The following NISCH variants were observed in gnomAD, a reference collection of about 807,000 sequenced individuals.
NISCH encodes nischarin.
Under a neutral mutation model 138.4 loss-of-function variants are expected in NISCH, and 55 were observed. That is an observed-to-expected ratio of 0.40 (90% CI 0.32 to 0.50). The LOEUF (loss-of-function observed/expected upper bound fraction) is 0.50, where lower values mean the gene tolerates loss of function less well. Ranked by LOEUF, NISCH falls within the 20% of genes least tolerant of loss-of-function variation. The probability of loss-of-function intolerance (pLI) is 0.71; values close to 1 mark genes in which losing one functional copy is unlikely to be tolerated. For missense variants in NISCH, 1,643 were observed against 2,005.5 expected, an observed-to-expected ratio of 0.82 and a Z score of 3.45; for synonymous variants, 860 against 861.5, an observed-to-expected ratio of 1.00 and a Z score of 0.03.
chr3:52,463,881 G>A (rs1019015554), intron 3 of NISCH, among the ~76,000 whole-genome samples: 13 of 150,904 alleles, frequency 8.6e-5, no homozygotes, highest in Admixed American at 7.3e-4. Flanking sequence ...GCACCACCAC[G>A]CCTGGCTAAT....
intron 14 of NISCH, among the ~76,000 whole-genome samples, 162 bp downstream of exon 14, chr3:52,484,799 T>A (rs1004208877): frequency 6.6e-6 from 1 of 151,998 alleles, no homozygotes; most frequent in Non-Finnish European, 1.5e-5. Flanking sequence ...GACCTGTCTC[T>A]GGTTGAGTGT....
intron 11 of NISCH, among the ~76,000 whole-genome samples, chr3:52,479,090 C>A (rs573726368): frequency 6.6e-6 from 1 of 152,242 alleles, no homozygotes; most frequent in South Asian, 2.1e-4. Context: ...TATTTGTGTC[C>A]CACCTCCCTC....
At chr3:52,491,564 G>A in intron 20 of NISCH, 51 bp downstream of exon 20, 2 of 1,559,762 alleles carry the variant, frequency 1.3e-6, no homozygotes, top group African/African-American at 2.7e-5. Flanking sequence ...CAGACGTCAT[G>A]GGCCCCAGGG....
chr3:52,492,672 T>G lies in NISCH; in HGVS notation c.*190T>G. The G allele has an allele frequency of 1.3e-6, 1 of 795,838 alleles. No homozygotes were observed. The highest frequency in any genetic ancestry group is 1.9e-6 in the Non-Finnish European group (1 of 520,984). 49.3% of individuals were successfully genotyped at this position (795,838 alleles called of 1,614,324 possible). On this transcript the variant is annotated 3_prime_UTR_variant, in exon 21 of 21. Coordinates refer to ENST00000345716, the MANE Select transcript of NISCH (RefSeq NM_007184.4). ...GTTGGGAGTGAGAATGCCGGGCCCC[T>G]CAGGGCTGTCGGTGTGCTGTCAGCC...
chr3:52,492,859 TTG>T lies in NISCH; in HGVS notation c.*378_*379del, dbSNP rs1707610868. The T allele has an allele frequency of 1.5e-5, 4 of 258,648 alleles. No homozygotes were observed. The highest frequency in any genetic ancestry group is 4.5e-5 in the African/African-American group (2 of 44,912). 16.0% of individuals were successfully genotyped at this position (258,648 alleles called of 1,614,324 possible). A position where few individuals can be genotyped will look rare whatever the true frequency, so the allele number is the denominator to read the frequency against. On this transcript the variant is annotated 3_prime_UTR_variant, in exon 21 of 21. Coordinates refer to ENST00000345716, the MANE Select transcript of NISCH (RefSeq NM_007184.4). Reference sequence around the variant, plus strand: ...GTTGCTGTTGCTGTTGCTGTTGCTGTTGCTGTTGGCATCTTGCTGCTAATCCT... The same window carrying T: ...GTTGCTGTTGCTGTTGCTGTTGCTGTCTGTTGGCATCTTGCTGCTAATCCT...
intron 3 of NISCH, among the ~76,000 whole-genome samples, chr3:52,461,632 G>A (rs184074438): frequency 6.6e-6 from 1 of 152,314 alleles, no homozygotes; most frequent in South Asian, 2.1e-4. Context: ...GGGAGGCCGA[G>A]GCGGGTGGAT....
In NISCH at chr3:52,457,775, C is replaced by G. The variant is rs1391945932; in HGVS notation, c.94-68C>G. 5 of 1,082,280 alleles carry G rather than the reference C, an allele frequency of 4.6e-6. No individual in the cohort carries two copies. In the East Asian group the frequency reaches 1.2e-4, roughly 26 times the overall value. 67.0% of individuals were successfully genotyped at this position (1,082,280 alleles called of 1,614,324 possible). On this transcript the variant is annotated intron_variant, in intron 1 of 20. Coordinates refer to ENST00000345716, the MANE Select transcript of NISCH (RefSeq NM_007184.4). ...TTGGGAAAGATAATTGCAGCTTTTG[C>G]TGCTGGGGGAGGAGACTCCTTGTTG...
chr3:52,483,128 C>A (rs2153231549), intron 13 of NISCH, among the ~76,000 whole-genome samples: 1 of 152,306 alleles, frequency 6.6e-6, no homozygotes, highest in African/African-American at 2.4e-5. Context: ...CATCAGGGTG[C>A]TTCATGCATG....
At chr3:52,471,190 G>T (rs1045845812) in intron 4 of NISCH, 1 of 511,582 alleles carries the variant, frequency 2.0e-6, no homozygotes, top group Non-Finnish European at 3.5e-6. Context: ...TCAGATGGCA[G>T]ATAGAAGCTG....
Position 52,487,164 on chromosome 3 carries a change from G to A in NISCH, c.1704-32G>A. ...TGGGAGGTGGGAGGGGCCCCTCCCA[G>A]CATGCCACTGACCTGGCCTCTCCCT... On this transcript the variant is annotated intron_variant, in intron 15 of 20. Transcript: ENST00000345716. The surrounding 1 kb of genome is among the most constrained non-coding windows in gnomAD (Gnocchi z 9.1). 1 of 1,584,064 alleles carries A rather than the reference G, an allele frequency of 6.3e-7. No individual in the cohort carries two copies. Among genetic ancestry groups the A allele is most frequent in the Non-Finnish European group, 8.6e-7 (1 of 1,161,790 alleles).
intron 3 of NISCH, among the ~76,000 whole-genome samples, chr3:52,467,501 G>C (rs1706821401): frequency 6.6e-6 from 1 of 152,160 alleles, no homozygotes; most frequent in Non-Finnish European, 1.5e-5. Flanking sequence ...TCTCTGAGGA[G>C]GCCCATGTGC....
chr3:52,458,888 A>G (rs1559621381), intron 3 of NISCH, 44 bp downstream of exon 3: 3 of 1,531,162 alleles, frequency 2.0e-6, no homozygotes, highest in Non-Finnish European at 2.6e-6. Flanking sequence ...CAAACCCACA[A>G]CTGCCAAACT....
intron 13 of NISCH, chr3:52,484,150 T>C (rs1352755153): frequency 4.8e-6 from 1 of 209,942 alleles, no homozygotes; most frequent in Non-Finnish European, 9.8e-6. Flanking sequence ...GCGATATAAA[T>C]CCTTGTCAAA....
At chr3:52,480,808 C>T in intron 13 of NISCH, 5 of 1,504,086 alleles carry the variant, frequency 3.3e-6, no homozygotes, top group Non-Finnish European at 4.4e-6. Flanking sequence ...CCTGTGGACC[C>T]ATGGAAGACC....
intron 3 of NISCH, among the ~76,000 whole-genome samples, chr3:52,466,563 CAAAA>C (rs56199620): frequency 4.1e-5 from 5 of 122,644 alleles, no homozygotes; most frequent in African/African-American, 6.2e-5. Context: ...GACTCCATCT[CAAAA>C]AAAAAAAAAA....
chr3:52,482,494 C>T (rs749942598), intron 13 of NISCH, among the ~76,000 whole-genome samples: 9 of 152,220 alleles, frequency 5.9e-5, no homozygotes, highest in Non-Finnish European at 1.0e-4. Flanking sequence ...GTTCGCATGC[C>T]AGCTTCCTAG....
intron 8 of NISCH, 74 bp downstream of exon 8, chr3:52,476,673 T>A: frequency 6.7e-7 from 1 of 1,488,710 alleles, no homozygotes. Context: ...TTAACTCAGC[T>A]TTTTTAGGAA....
chr3:52,457,411 C>A (rs1706504720), intron 1 of NISCH, among the ~76,000 whole-genome samples: 1 of 152,198 alleles, frequency 6.6e-6, no homozygotes, highest in African/African-American at 2.4e-5. Flanking sequence ...GAAAGAAGTA[C>A]AACAGAGAAG....
At position 52,478,456 on chromosome 3, in the gene NISCH, A is replaced by G. The variant is rs1318847707; in HGVS notation, c.1181A>G (p.Glu394Gly). ...GGAACTCATACCTTGCAGATGGAGGAGGTCCGGAGCATAGGCAGCCTCCCG... is the reference window on the plus strand; with the variant it reads ...GGAACTCATACCTTGCAGATGGAGGGGGTCCGGAGCATAGGCAGCCTCCCG... The part of the protein sequence containing the change: ...LRDNRIEQME[E>G]VRSIGSLPCL... The change falls in exon 11 of 21, where the codon GAG becomes GGG. Residue 394 changes from glutamate to glycine, a missense_variant. Coordinates refer to ENST00000345716, the MANE Select transcript of NISCH (RefSeq NM_007184.4). 1 of 1,614,050 alleles carries G rather than the reference A, an allele frequency of 6.2e-7. No homozygotes were observed. Among genetic ancestry groups the G allele is most frequent in the African/African-American group, 1.3e-5 (1 of 74,920 alleles).
Sources: gnomAD v4.1 joint callset for allele counts (sites outside exome capture counted in the v4.1 genomes callset) on GRCh38, gnomAD v4.1.1 for gene constraint, Gnocchi (gnomAD v3.1) non-coding constraint, MANE v1.5 for transcripts, NCBI Gene and HGNC (gene_info 2026-07-23, HGNC 2026-07-21) for gene names.